The following RNF14 variants were observed in gnomAD, a reference collection of about 807,000 sequenced individuals.
RNF14 encodes ring finger protein 14.
In RNF14, 26 loss-of-function variants were observed where a neutral mutation model predicts 52.6. The ratio of observed to expected loss-of-function variants is 0.49; its 90% CI spans 0.36 to 0.69. The LOEUF is 0.69. RNF14 is among the 30% of genes least tolerant of loss of function. RNF14 has a pLI of 0.00. For synonymous variants in RNF14, 194 were observed against 202.0 expected, an observed-to-expected ratio of 0.96 and a Z score of 0.34; for missense variants, 404 against 560.4, an observed-to-expected ratio of 0.72 and a Z score of 2.82.
chr5:141,960,184 G>T (rs1289617088), intron 1 of RNF14, among the ~76,000 whole-genome samples: 1 of 152,156 alleles, frequency 6.6e-6, no homozygotes, highest in South Asian at 2.1e-4. Context: ...GGCAGCCCAC[G>T]TGACAGTCTC....
chr5:141,955,573 C>G (rs139572685), upstream of RNF14: 21 of 1,614,048 alleles, frequency 1.3e-5, no homozygotes, highest in Non-Finnish European at 1.8e-5. This position sits in a 1 kb window ranked among gnomAD's most constrained non-coding sequence, Gnocchi z 5.5. Flanking sequence ...GGGCTGCTGG[C>G]GGTAGGTGGA....
At position 141,987,910 on chromosome 5, in the gene RNF14, T is replaced by A; in HGVS notation, c.*120T>A. ...ATTCACTCTTCCTGCGTAGAAGATA[T>A]GGAAGAACGAGGTTTATATTTTCAT... On this transcript the variant is annotated 3_prime_UTR_variant, in exon 9 of 9. Transcript: ENST00000394520. 2 of 896,630 alleles carry A rather than the reference T, an allele frequency of 2.2e-6. No homozygotes were observed. Among genetic ancestry groups the A allele is most frequent in the Non-Finnish European group, 3.6e-6 (2 of 553,454 alleles). The allele number at this position is 896,630 out of a possible 1,614,324, so 55.5% of individuals were successfully genotyped here.
chr5:141,954,611 G>T (rs1443013541), upstream of RNF14, among the ~76,000 whole-genome samples: 2 of 152,182 alleles, frequency 1.3e-5, no homozygotes, highest in Non-Finnish European at 2.9e-5. Flanking sequence ...CTTGCCCAAA[G>T]CTTATACTCT....
upstream of RNF14, among the ~76,000 whole-genome samples, chr5:141,968,118 C>CT (rs55650781): frequency 4.0e-4 from 47 of 118,940 alleles, no homozygotes; most frequent in African/African-American, 6.2e-4. Flanking sequence ...TTGTGTTTGA[C>CT]TTTTTTTTTT....
chr5:141,949,503 T>A, the RNF14 span: 3 of 1,614,018 alleles, frequency 1.9e-6, no homozygotes, highest in Non-Finnish European at 1.7e-6. Flanking sequence ...CTCTTCAGGA[T>A]CCAAAGGCCC....
chr5:141,959,931 G>A (rs1753245173), intron 1 of RNF14, among the ~76,000 whole-genome samples: 1 of 152,180 alleles, frequency 6.6e-6, no homozygotes, highest in Admixed American at 6.5e-5. Flanking sequence ...CACAGGGCCT[G>A]GCTCAGAGAA....
chr5:141,983,372 CT>C lies in RNF14; in HGVS notation c.1064-5del, dbSNP rs1277433664. The C allele has an allele frequency of 8.7e-6, 14 of 1,605,936 alleles. No homozygotes were observed. Among genetic ancestry groups the C allele is most frequent in the Non-Finnish European group, 1.1e-5 (13 of 1,177,256 alleles). ...ATATAAAAGTTAATTTTCCATTTCA[CT>C]TTGTAGAGAAATTAATGGACTTACG... On this transcript the variant is annotated splice_region_variant and splice_polypyrimidine_tract_variant and intron_variant, in intron 6 of 8. Coordinates refer to ENST00000394520, the MANE Select transcript of RNF14 (RefSeq NM_004290.5).
chr5:141,954,126 A>G (rs2126925524), upstream of RNF14, among the ~76,000 whole-genome samples: 1 of 149,912 alleles, frequency 6.7e-6, no homozygotes, highest in East Asian at 2.0e-4. Flanking sequence ...GATGAGGAAA[A>G]TGAGGCTCAG....
At chr5:141,985,374 T>C (rs1468576544) in intron 8 of RNF14, among the ~76,000 whole-genome samples, 1 of 152,240 alleles carries the variant, frequency 6.6e-6, no homozygotes, top group Non-Finnish European at 1.5e-5. Context: ...GATAGTGGCA[T>C]ACTATTATCT....
chr5:141,983,316 T>G, intron 6 of RNF14, 64 bp from the exon 7 acceptor site: 2 of 1,277,154 alleles, frequency 1.6e-6, no homozygotes, highest in South Asian at 2.7e-5. Context: ...TATAGCCATT[T>G]TTAATGATTT....
upstream of RNF14, chr5:141,953,475 G>A (rs975641536): frequency 1.3e-5 from 2 of 152,208 alleles, no homozygotes; most frequent in Admixed American, 1.3e-4. Flanking sequence ...GGCTCACAGG[G>A]GCTACACAGA....
At chr5:141,967,588 C>G (rs1753391191), upstream of RNF14, among the ~76,000 whole-genome samples, 1 of 152,178 alleles carries the variant, frequency 6.6e-6, no homozygotes. Flanking sequence ...GGGTTGCTGG[C>G]CCATGAATCT....
In RNF14 at chr5:141,973,704, A is replaced by G. The variant is rs375496457; in HGVS notation, c.116A>G (p.Tyr39Cys). The G allele has an allele frequency of 5.6e-6, 9 of 1,611,460 alleles. No individual in the cohort carries two copies. The African/African-American group carries it at 9.4e-5, about 17-fold the overall frequency. ...ESVQGGETRI[Y>C]LDLPQNFKIF... ...GTCCAAGGTGGAGAAACCAGGATCT[A>G]TTTGGATTTGCCACAGAATTTCAAG... Residue 39 changes from tyrosine to cysteine, a missense_variant, in exon 3 of 9, where the codon TAT becomes TGT. Transcript: ENST00000394520.
intron 7 of RNF14, 78 bp downstream of exon 7, chr5:141,983,630 A>C (rs1294036056): frequency 6.3e-6 from 8 of 1,272,448 alleles, no homozygotes; most frequent in African/African-American, 1.5e-5. Context: ...CTTACTAGTC[A>C]ATTTTATGAC....
At chr5:141,956,715 A>G (rs1354296819), upstream of RNF14, 2 of 1,614,130 alleles carry the variant, frequency 1.2e-6, no homozygotes, top group Non-Finnish European at 1.7e-6. Flanking sequence ...AATCCAAGTC[A>G]TCTGCCATGA....
upstream of RNF14, chr5:141,956,323 A>G (rs1401110005): frequency 4.3e-6 from 7 of 1,614,214 alleles, no homozygotes; most frequent in Admixed American, 5.0e-5. Context: ...GTTGGAGTCA[A>G]TAGCTACTAA....
At chr5:141,960,073 A>G (rs1439668986) in intron 1 of RNF14, among the ~76,000 whole-genome samples, 1 of 152,116 alleles carries the variant, frequency 6.6e-6, no homozygotes, top group Non-Finnish European at 1.5e-5. Context: ...CAGGAATCCC[A>G]TTTCTCAGGT....
chr5:141,956,683 T>C (rs772078013), upstream of RNF14: 3 of 1,614,232 alleles, frequency 1.9e-6, no homozygotes, highest in South Asian at 1.1e-5. Context: ...CAGCCAGCAG[T>C]GGACCAAACC....
At chr5:141,976,938 G>A (rs1754322361) in intron 4 of RNF14, among the ~76,000 whole-genome samples, 1 of 151,978 alleles carries the variant, frequency 6.6e-6, no homozygotes, top group African/African-American at 2.4e-5. Context: ...ACAGGCGCCC[G>A]CCACCACACC....
Sources: allele counts gnomAD v4.1 joint callset (sites outside exome capture counted in the v4.1 genomes callset), GRCh38; gene constraint gnomAD v4.1.1; non-coding constraint Gnocchi (gnomAD v3.1); transcripts MANE v1.5; gene names NCBI Gene and HGNC (gene_info 2026-07-23, HGNC 2026-07-21).